The following CERS6 variants were observed in gnomAD, a reference collection of about 807,000 sequenced individuals.
CERS6 encodes ceramide synthase 6.
Under a neutral mutation model 56.8 loss-of-function variants are expected in CERS6, and 26 were observed. The observed-to-expected ratio is 0.46, with a 90% CI of 0.34 to 0.63. CERS6 has a LOEUF of 0.63. CERS6 is among the 30% of genes least tolerant of loss of function. The probability of loss-of-function intolerance (pLI) is 0.01; values close to 1 mark genes in which losing one functional copy is unlikely to be tolerated. For synonymous variants in CERS6, 164 were observed against 173.3 expected (o/e 0.95, Z 0.42); for missense variants, 415 against 467.5 (o/e 0.89, Z 1.04).
At chr2:168,504,498 G>T (rs1327441072) in intron 1 of CERS6, among the ~76,000 whole-genome samples, 1 of 152,174 alleles carries the variant, frequency 6.6e-6, no homozygotes, top group Non-Finnish European at 1.5e-5. Context: ...CCTGGAGAAG[G>T]ACTGTGCAGG....
chr2:168,576,296 C>T, intron 3 of CERS6, among the ~76,000 whole-genome samples: 1 of 152,150 alleles, frequency 6.6e-6, no homozygotes, highest in East Asian at 1.9e-4. Context: ...ACTGTAAATT[C>T]CTTCATGACA....
chr2:168,557,811 G>A (rs917465418), intron 2 of CERS6, among the ~76,000 whole-genome samples: 7 of 152,120 alleles, frequency 4.6e-5, no homozygotes, highest in Non-Finnish European at 1.0e-4. Flanking sequence ...ATTTCTGGAA[G>A]TAAAACAAGC....
chr2:168,581,937 C>T (rs1228602171), intron 3 of CERS6, among the ~76,000 whole-genome samples: 1 of 152,182 alleles, frequency 6.6e-6, no homozygotes, highest in Non-Finnish European at 1.5e-5. Flanking sequence ...GATACCCCAG[C>T]CCAGGATCAC....
chr2:168,552,513 A>G (rs1695594744), intron 2 of CERS6, among the ~76,000 whole-genome samples: 2 of 152,192 alleles, frequency 1.3e-5, no homozygotes, highest in Admixed American at 1.3e-4. Context: ...GATTGGGCAG[A>G]AACCAAGTAT....
intron 4 of CERS6, among the ~76,000 whole-genome samples, chr2:168,649,642 C>A (rs1685294914): frequency 6.6e-6 from 1 of 152,106 alleles, no homozygotes; most frequent in South Asian, 2.1e-4. Flanking sequence ...CTTTATCCCC[C>A]CGTAGCAGCT....
intron 4 of CERS6, among the ~76,000 whole-genome samples, chr2:168,653,890 C>G (rs17249307): frequency 0.14 from 20,823 of 152,096 alleles, 1,955 homozygotes; most frequent in South Asian, 0.34. Context: ...TCAGATGGCC[C>G]TTTTTGGCAT....
intron 1 of CERS6, among the ~76,000 whole-genome samples, chr2:168,491,852 G>A (rs890743968): frequency 5.9e-5 from 9 of 152,092 alleles, no homozygotes; most frequent in African/African-American, 2.2e-4. Flanking sequence ...TGCCACTTAC[G>A]AGTGAGAACA....
rs371750219 is a variant in CERS6, at chr2:168,753,326, A to G, written c.846-12266A>G. 1.1e-4 allele frequency among the ~76,000 whole-genome samples: 17 copies of G among 152,332 alleles called. No individual in the cohort carries two copies. The South Asian group carries it at 2.7e-3, about 24-fold the overall frequency. On this transcript the variant is annotated intron_variant, in intron 8 of 9. Coordinates refer to ENST00000305747, the MANE Select transcript of CERS6 (RefSeq NM_203463.3). ...GATTCTAGTAGTTAACATTATTTCA[A>G]TTGTTGATTAAACAGAATGATATGT...
At chr2:168,679,576 G>A (rs1035903624) in intron 4 of CERS6, among the ~76,000 whole-genome samples, 3 of 152,268 alleles carry the variant, frequency 2.0e-5, no homozygotes, top group Non-Finnish European at 2.9e-5. Flanking sequence ...ATCTCGCTCT[G>A]TGTGACAAAA....
intron 1 of CERS6, among the ~76,000 whole-genome samples, chr2:168,498,315 G>A (rs939038938): frequency 2.0e-4 from 31 of 152,034 alleles, no homozygotes; most frequent in African/African-American, 6.3e-4. Context: ...TGGCCTTTTG[G>A]TGTGTGCTGT....
chr2:168,595,293 G>C (rs1261837614), intron 3 of CERS6, among the ~76,000 whole-genome samples: 1 of 152,184 alleles, frequency 6.6e-6, no homozygotes, highest in African/African-American at 2.4e-5. Context: ...ACTTTCAGAT[G>C]GTGAGATGTT....
At chr2:168,506,731 T>A (rs537790925) in intron 1 of CERS6, among the ~76,000 whole-genome samples, 6 of 152,182 alleles carry the variant, frequency 3.9e-5, no homozygotes, top group African/African-American at 1.2e-4. Flanking sequence ...AGAGATGTAG[T>A]AACTTTCACA....
At chr2:168,744,400 G>A (rs559858053) in intron 8 of CERS6, among the ~76,000 whole-genome samples, 1 of 151,668 alleles carries the variant, frequency 6.6e-6, no homozygotes, top group Admixed American at 6.6e-5. Flanking sequence ...CAGCTGCTAC[G>A]AACACACTGC....
At chr2:168,515,173 A>G (rs973888544) in intron 1 of CERS6, among the ~76,000 whole-genome samples, 2 of 152,212 alleles carry the variant, frequency 1.3e-5, no homozygotes, top group African/African-American at 4.8e-5. Context: ...ATTTTACTGA[A>G]TAGTTCAGTT....
At chr2:168,739,958 C>T (rs1199557734) in intron 8 of CERS6, among the ~76,000 whole-genome samples, 1 of 152,146 alleles carries the variant, frequency 6.6e-6, no homozygotes, top group Admixed American at 6.5e-5. Context: ...GACCCATCCG[C>T]CTCGGCCTTC....
At chr2:168,483,300 A>T (rs1056996514) in intron 1 of CERS6, among the ~76,000 whole-genome samples, 3 of 151,430 alleles carry the variant, frequency 2.0e-5, no homozygotes, top group African/African-American at 7.3e-5. Context: ...TTTTTTCTGA[A>T]GACGCTTATA....
chr2:168,708,342 C>G (rs931886244), intron 6 of CERS6, among the ~76,000 whole-genome samples: 1 of 152,078 alleles, frequency 6.6e-6, no homozygotes, highest in Non-Finnish European at 1.5e-5. Flanking sequence ...GCAGAAAAAT[C>G]ACAAGAGAGA....
At chr2:168,511,841 G>C (rs1050887949) in intron 1 of CERS6, among the ~76,000 whole-genome samples, 8 of 152,052 alleles carry the variant, frequency 5.3e-5, no homozygotes, top group Non-Finnish European at 1.2e-4. Context: ...CCATAATTAA[G>C]ATAAAGGATT....
chr2:168,605,849 A>G (rs950987516), intron 3 of CERS6, among the ~76,000 whole-genome samples: 1 of 152,096 alleles, frequency 6.6e-6, no homozygotes, highest in Non-Finnish European at 1.5e-5. Context: ...ATTTCAGAGG[A>G]TGTATAGAAA....
Sources: gnomAD v4.1 joint callset for allele counts (sites outside exome capture counted in the v4.1 genomes callset) on GRCh38, gnomAD v4.1.1 for gene constraint, MANE v1.5 for transcripts, NCBI Gene and HGNC (gene_info 2026-07-23, HGNC 2026-07-21) for gene names.